The following LRRC7 variants were observed in gnomAD, a reference collection of about 807,000 sequenced individuals.
The protein encoded by LRRC7 is leucine rich repeat containing 7.
Under a neutral mutation model 175.7 loss-of-function variants are expected in LRRC7, and 23 were observed. The observed-to-expected ratio is 0.13, with a 90% CI of 0.09 to 0.19. LRRC7 has a LOEUF of 0.19. LRRC7 is among the 10% of genes least tolerant of loss of function. LRRC7 has a pLI of 1.00. For synonymous variants in LRRC7, 685 were observed against 680.9 expected, an observed-to-expected ratio of 1.01 and a Z score of -0.09; for missense variants, 1,354 against 1,904.7, an observed-to-expected ratio of 0.71 and a Z score of 5.38.
chr1:69,783,539 C>A (rs937318332), intron 3 of LRRC7, among the ~76,000 whole-genome samples: 1 of 152,016 alleles, frequency 6.6e-6, no homozygotes, highest in Admixed American at 6.6e-5. Flanking sequence ...GGCAGATCAC[C>A]TGAGGTCAGG....
intron 4 of LRRC7, among the ~76,000 whole-genome samples, chr1:69,819,577 C>CTGTGTGTGTGTG (rs71071379): frequency 6.1e-4 from 70 of 114,964 alleles, no homozygotes; most frequent in Middle Eastern, 4.7e-3. Flanking sequence ...CTCTCTCTCT[C>CTGTGTGTGTGTG]TGTGTGTGTG....
intron 8 of LRRC7, among the ~76,000 whole-genome samples, chr1:69,967,357 C>T (rs1480398974): frequency 6.6e-6 from 1 of 152,222 alleles, no homozygotes; most frequent in Middle Eastern, 3.4e-3. Context: ...ATGCTCCTCC[C>T]CTACACCCTC....
intron 2 of LRRC7, among the ~76,000 whole-genome samples, chr1:69,717,527 G>T (rs1486476096): frequency 6.6e-6 from 1 of 151,548 alleles, no homozygotes; most frequent in Non-Finnish European, 1.5e-5. Flanking sequence ...TAGTGTATTT[G>T]ATTTATAAAA....
At chr1:69,925,664 A>C (rs1421138706) in intron 7 of LRRC7, among the ~76,000 whole-genome samples, 1 of 151,860 alleles carries the variant, frequency 6.6e-6, no homozygotes, top group East Asian at 1.9e-4. Flanking sequence ...TATCATTTTT[A>C]TTGCGTCTAT....
At chr1:69,881,915 G>A (rs551772089) in intron 7 of LRRC7, among the ~76,000 whole-genome samples, 1 of 147,710 alleles carries the variant, frequency 6.8e-6, no homozygotes, top group Non-Finnish European at 1.5e-5. Flanking sequence ...CAAATACAAG[G>A]CACCCTATAG....
intron 1 of LRRC7, among the ~76,000 whole-genome samples, chr1:69,603,110 G>A (rs754849214): frequency 2.0e-4 from 30 of 150,478 alleles, no homozygotes; most frequent in Non-Finnish European, 3.5e-4. Context: ...TCTTCACATG[G>A]CTTTTCCCCT....
chr1:69,647,112 C>A (rs1395538573), intron 1 of LRRC7, among the ~76,000 whole-genome samples: 1 of 152,048 alleles, frequency 6.6e-6, no homozygotes, highest in African/African-American at 2.4e-5. Context: ...GCTATTAATG[C>A]CAAAAAATAT....
intron 1 of LRRC7, among the ~76,000 whole-genome samples, chr1:69,658,018 T>C (rs985315840): frequency 2.3e-4 from 35 of 152,034 alleles, no homozygotes; most frequent in Middle Eastern, 6.8e-3. Flanking sequence ...TTTATACCCA[T>C]AGAATCAGCA....
At chr1:69,853,005 CTGTAGCATACTAAA>C (rs1183965883) in intron 7 of LRRC7, among the ~76,000 whole-genome samples, 1 of 152,110 alleles carries the variant, frequency 6.6e-6, no homozygotes, top group African/African-American at 2.4e-5. Context: ...ACCAAAGCTT[CTGTAGCATACTAAA>C]TGCATCATGC....
intron 1 of LRRC7, among the ~76,000 whole-genome samples, chr1:69,676,180 A>G (rs1278624953): frequency 6.6e-6 from 1 of 151,968 alleles, no homozygotes; most frequent in Non-Finnish European, 1.5e-5. Flanking sequence ...TTTTTATCTC[A>G]TATTTTCCAC....
At chr1:69,904,487 T>A (rs943917270) in intron 7 of LRRC7, among the ~76,000 whole-genome samples, 1 of 152,006 alleles carries the variant, frequency 6.6e-6, no homozygotes, top group Non-Finnish European at 1.5e-5. Context: ...ACCTAGAATA[T>A]TGGAAAGTTA....
At chr1:69,789,022 G>C (rs1025965292) in intron 3 of LRRC7, among the ~76,000 whole-genome samples, 29 of 152,104 alleles carry the variant, frequency 1.9e-4, no homozygotes, top group African/African-American at 6.8e-4. Context: ...ATGAATGAAT[G>C]AAATATTTTG....
chr1:70,019,317 G>A (rs1338349095), intron 15 of LRRC7, among the ~76,000 whole-genome samples: 2 of 151,998 alleles, frequency 1.3e-5, no homozygotes, highest in Non-Finnish European at 2.9e-5. Flanking sequence ...TTCTTTTCAA[G>A]TTGAGTTTCC....
chr1:69,741,267 A>G (rs1458843143), intron 2 of LRRC7, among the ~76,000 whole-genome samples: 2 of 152,002 alleles, frequency 1.3e-5, no homozygotes, highest in African/African-American at 4.8e-5. Context: ...TGTTCAAAAT[A>G]TGGCATGGAG....
At chr1:70,037,980 C>A in intron 20 of LRRC7, 133 bp from the exon 21 acceptor site, 1 of 1,219,572 alleles carries the variant, frequency 8.2e-7, no homozygotes. Flanking sequence ...ATAATACTAT[C>A]TTAATCATAA....
At chr1:69,653,077 A>C (rs1489084422) in intron 1 of LRRC7, among the ~76,000 whole-genome samples, 1 of 152,108 alleles carries the variant, frequency 6.6e-6, no homozygotes, top group African/African-American at 2.4e-5. Context: ...AGGGTCAACA[A>C]AAGTAAGAAT....
chr1:69,592,978 A>G (rs938883220), intron 1 of LRRC7, among the ~76,000 whole-genome samples: 1 of 152,014 alleles, frequency 6.6e-6, no homozygotes, highest in African/African-American at 2.4e-5. Flanking sequence ...TATTTTAAAC[A>G]CACCCACACA....
At chr1:69,637,499 A>G (rs2100411671) in intron 1 of LRRC7, among the ~76,000 whole-genome samples, 1 of 152,018 alleles carries the variant, frequency 6.6e-6, no homozygotes, top group African/African-American at 2.4e-5. Flanking sequence ...TCACAACTAA[A>G]CATGGAGGCT....
intron 1 of LRRC7, among the ~76,000 whole-genome samples, chr1:69,583,795 GTC>G (rs900578635): frequency 6.6e-6 from 1 of 152,224 alleles, no homozygotes; most frequent in Non-Finnish European, 1.5e-5. Context: ...GCATTGCACT[GTC>G]TCTCAATTTT....
Sources: allele counts gnomAD v4.1 joint callset (sites outside exome capture counted in the v4.1 genomes callset), GRCh38; gene constraint gnomAD v4.1.1; transcripts MANE v1.5; gene names NCBI Gene and HGNC (gene_info 2026-07-23, HGNC 2026-07-21).